The following BSDC1 variants were observed in gnomAD, a reference collection of about 807,000 sequenced individuals.
BSDC1 encodes BSD domain-containing protein 1.
Under a neutral mutation model 56.0 loss-of-function variants are expected in BSDC1, and 29 were observed. The ratio of observed to expected loss-of-function variants is 0.52; its 90% CI spans 0.39 to 0.71. The LOEUF (loss-of-function observed/expected upper bound fraction) is 0.71. Among genes scored for constraint, BSDC1 ranks in the 30% least tolerant of loss-of-function variants. The pLI is 0.00. For synonymous variants in BSDC1, 210 were observed against 215.3 expected (o/e 0.98, Z 0.21); for missense variants, 477 against 548.5 (o/e 0.87, Z 1.30).
At chr1:32,375,400 T>G (rs1642244320) in intron 9 of BSDC1, among the ~76,000 whole-genome samples, 1 of 146,144 alleles carries the variant, frequency 6.8e-6, no homozygotes, top group Non-Finnish European at 1.5e-5. Flanking sequence ...GACAGGAGGA[T>G]GTGTGTGTGA....
chr1:32,368,518 T>C lies in BSDC1; in HGVS notation c.1189A>G (p.Lys397Glu). The C allele has an allele frequency of 6.2e-7, 1 of 1,614,040 alleles. No individual in the cohort carries two copies. The highest frequency in any genetic ancestry group is 8.5e-7 in the Non-Finnish European group (1 of 1,180,010). The change falls in exon 10 of 11, where the codon AAA (lysine) becomes GAA (glutamate). Residue 397 changes from lysine (K) to glutamate (E), a missense_variant. Coordinates refer to ENST00000455895, the MANE Select transcript of BSDC1 (RefSeq NM_018045.8). ...TCAGTCATGTCCAAGTCAAAGTCTTTCTCCCAGTCCTCACTGATGTCCGTG... is the reference window on the plus strand; with the variant it reads ...TCAGTCATGTCCAAGTCAAAGTCTTCCTCCCAGTCCTCACTGATGTCCGTG... ...SSTDISEDWE[K>E]DFDLDMTEEE...
chr1:32,386,685 G>A, intron 3 of BSDC1, 94 bp downstream of exon 3: 1 of 803,318 alleles, frequency 1.2e-6, no homozygotes, highest in South Asian at 2.1e-5. Context: ...TTCCCCATAT[G>A]GAAAAATAAT....
At chr1:32,389,893 A>G (rs1557657213) in intron 2 of BSDC1, among the ~76,000 whole-genome samples, 4 of 150,094 alleles carry the variant, frequency 2.7e-5, no homozygotes, top group African/African-American at 9.9e-5. Context: ...GAATCACCTG[A>G]GCCTGGGTGG....
chr1:32,384,235 G>C (rs905199055), intron 3 of BSDC1, among the ~76,000 whole-genome samples: 4 of 143,352 alleles, frequency 2.8e-5, no homozygotes, highest in Non-Finnish European at 6.2e-5. Flanking sequence ...TCTTTGATTG[G>C]CTGTTTCATC....
intron 4 of BSDC1, among the ~76,000 whole-genome samples, chr1:32,382,321 T>C (rs1288200961): frequency 6.6e-6 from 1 of 150,766 alleles, no homozygotes; most frequent in Non-Finnish European, 1.5e-5. Context: ...GCATAAAAAT[T>C]AGCTGAGCGT....
At chr1:32,367,798 A>G in intron 10 of BSDC1, 1 of 897,172 alleles carries the variant, frequency 1.1e-6, no homozygotes, top group Non-Finnish European at 1.3e-6. Context: ...ACCATGTCTC[A>G]GGCAATAGCC....
intron 10 of BSDC1, chr1:32,366,925 G>T: frequency 1.7e-6 from 2 of 1,199,016 alleles, no homozygotes; most frequent in Non-Finnish European, 2.1e-6. Flanking sequence ...CAAGGTGATG[G>T]CTGCCTACAG....
At chr1:32,374,961 G>A (rs547108437) in intron 9 of BSDC1, among the ~76,000 whole-genome samples, 1 of 152,182 alleles carries the variant, frequency 6.6e-6, no homozygotes, top group Admixed American at 6.5e-5. Flanking sequence ...GACCATCCTG[G>A]CTAACACAGT....
intron 9 of BSDC1, among the ~76,000 whole-genome samples, chr1:32,370,546 G>C (rs1290441577): frequency 6.6e-6 from 1 of 151,896 alleles, no homozygotes; most frequent in Non-Finnish European, 1.5e-5. Flanking sequence ...GCTCACGCTT[G>C]TAATCCCAGC....
chr1:32,394,295 T>C, intron 1 of BSDC1, 109 bp downstream of exon 1: 1 of 1,589,574 alleles, frequency 6.3e-7, no homozygotes, highest in African/African-American at 1.3e-5. Context: ...CCCTTTCAGA[T>C]CAGTCCACGC....
At chr1:32,394,225 C>T in intron 1 of BSDC1, 85 bp from the exon 2 acceptor site, 1 of 1,566,544 alleles carries the variant, frequency 6.4e-7, no homozygotes. Context: ...TCAGATGTAC[C>T]CTGCGGGCCG....
chr1:32,378,831 C>T lies in BSDC1; in HGVS notation c.421G>A (p.Glu141Lys). The T allele has an allele frequency of 6.6e-7, 1 of 1,519,194 alleles. No individual in the cohort carries two copies. Among genetic ancestry groups the T allele is most frequent in the Non-Finnish European group, 8.8e-7 (1 of 1,131,640 alleles). 94.1% of individuals were successfully genotyped at this position (1,519,194 alleles called of 1,614,324 possible). The change falls in exon 6 of 11, where the codon GAA becomes AAA. Residue 141 changes from glutamate (E) to lysine (K), a missense_variant. By Grantham distance (56) the Glu-to-Lys change is moderately conservative. Transcript: ENST00000455895. The surrounding 1 kb of genome is among the most constrained non-coding windows in gnomAD (Gnocchi z 5.2). ...TGGGAAAGCCAGGCGTCAAACAATT[C>T]CGGGGGCCCTGCAGAGGGACAGATG... ...TYCNEPDGPP[E>K]LFDAWLSQFC...
intron 9 of BSDC1, chr1:32,369,107 G>A (rs545654928): frequency 5.9e-5 from 24 of 408,022 alleles, no homozygotes; most frequent in African/African-American, 5.0e-4. Context: ...GAAACAATCT[G>A]AAAGCCCACT....
intron 10 of BSDC1, chr1:32,367,166 G>C: frequency 1.0e-6 from 1 of 985,776 alleles, no homozygotes; most frequent in Non-Finnish European, 1.2e-6. Flanking sequence ...ATGCCCACTA[G>C]GTCTTCACTA....
At chr1:32,386,937 A>T (rs1209606678) in intron 2 of BSDC1, 42 bp from the exon 3 acceptor site, 1 of 1,490,114 alleles carries the variant, frequency 6.7e-7, no homozygotes, top group Non-Finnish European at 9.4e-7. Flanking sequence ...AGCTGGCCCC[A>T]CCACCCCTTG....
At chr1:32,367,781 G>T in intron 10 of BSDC1, 1 of 892,440 alleles carries the variant, frequency 1.1e-6, no homozygotes, top group Non-Finnish European at 1.3e-6. Flanking sequence ...TCTCCTGAGT[G>T]CTGGTCACCA....
rs998037987 is a variant in BSDC1 at position 32,367,353 on chromosome 1, C to T, written c.1261-699G>A. The T allele has an allele frequency of 1.1e-5, 11 of 985,358 alleles. No homozygotes were observed. In the African/African-American group the frequency reaches 1.7e-4, roughly 16 times the overall value. The allele number at this position is 985,358 out of a possible 1,614,324, so 61.0% of individuals were successfully genotyped here. On this transcript the variant is annotated intron_variant, in intron 10 of 10. Transcript: ENST00000455895. ...AAAGACACAAAAAGCCAGCAAGCCCCTGTGGCCTGACAGGGCACTATGGGC... is the reference window on the plus strand; with the variant it reads ...AAAGACACAAAAAGCCAGCAAGCCCTTGTGGCCTGACAGGGCACTATGGGC...
At chr1:32,367,571 T>C (rs561901649) in intron 10 of BSDC1, 1 of 985,414 alleles carries the variant, frequency 1.0e-6, no homozygotes, top group East Asian at 1.1e-4. Context: ...TATGTGACAG[T>C]GGAACTAACG....
chr1:32,372,948 A>G (rs1291682309), intron 9 of BSDC1, among the ~76,000 whole-genome samples: 1 of 152,210 alleles, frequency 6.6e-6, no homozygotes, highest in African/African-American at 2.4e-5. Context: ...AAAGAAGTCC[A>G]GTCTCTCAGA....
Sources: allele counts gnomAD v4.1 joint callset (sites outside exome capture counted in the v4.1 genomes callset), GRCh38; gene constraint gnomAD v4.1.1; non-coding constraint Gnocchi (gnomAD v3.1); transcripts MANE v1.5; gene names NCBI Gene and HGNC (gene_info 2026-07-23, HGNC 2026-07-21).